Variants in ACTG2 observed in about 807,000 individuals in gnomAD.
The protein encoded by ACTG2 is actin gamma 2, smooth muscle.
ACTG2 carries 16 observed loss-of-function variants against 37.6 expected under a neutral mutation model. That is an observed-to-expected ratio of 0.43 (90% CI 0.29 to 0.65). The LOEUF is 0.65. Ranked by LOEUF, ACTG2 falls within the 30% of genes least tolerant of loss-of-function variation. The pLI, the probability that ACTG2 is intolerant of heterozygous loss-of-function variation, is 0.18. For missense variants in ACTG2, 238 were observed against 490.9 expected (o/e 0.48, Z 4.87); for synonymous variants, 181 against 179.9 (o/e 1.01, Z -0.05).
At chr2:73,897,951 A>G (rs926628995) in intron 1 of ACTG2, among the ~76,000 whole-genome samples, 1 of 152,234 alleles carries the variant, frequency 6.6e-6, no homozygotes, top group African/African-American at 2.4e-5. Flanking sequence ...TGGTAACTAA[A>G]TTTCAACATG....
chr2:73,916,648 C>T lies in ACTG2; in HGVS notation c.870C>T (p.Ile290=), dbSNP rs1180397843. 3 of 1,614,118 alleles carry T rather than the reference C, an allele frequency of 1.9e-6. No homozygotes were observed. In the East Asian group the frequency reaches 6.7e-5, roughly 36 times the overall value. Residue 290 remains isoleucine, a synonymous_variant, in exon 8 of 9, where the codon ATC becomes ATT. Coordinates refer to ENST00000345517, the MANE Select transcript of ACTG2 (RefSeq NM_001615.4). ...YNSIMKCDID[I]RKDLYANNVL... ...CCATCATGAAGTGTGACATTGACAT[C>T]CGTAAGGACTTATATGCCAACAATG...
At chr2:73,919,146 T>A (rs1680328173) in intron 8 of ACTG2, among the ~76,000 whole-genome samples, 1 of 152,182 alleles carries the variant, frequency 6.6e-6, no homozygotes. Flanking sequence ...CATGCCCAAG[T>A]ACACAAGCAT....
At chr2:73,909,321 G>T (rs1017930093) in intron 5 of ACTG2, among the ~76,000 whole-genome samples, 182 bp downstream of exon 5, 1 of 152,186 alleles carries the variant, frequency 6.6e-6, no homozygotes, top group Non-Finnish European at 1.5e-5. Context: ...AGCTGGTATA[G>T]TTGGAAAAAA....
At chr2:73,897,807 C>A (rs1030499845) in intron 1 of ACTG2, among the ~76,000 whole-genome samples, 1 of 152,108 alleles carries the variant, frequency 6.6e-6, no homozygotes, top group African/African-American at 2.4e-5. Context: ...CAAGGTGGCA[C>A]CTTGTTGCTG....
At chr2:73,893,658 G>A (rs10176602) in intron 1 of ACTG2, among the ~76,000 whole-genome samples, 35,457 of 151,980 alleles carry the variant, frequency 0.23, 4,286 homozygotes, top group South Asian at 0.32. Context: ...CTGTGGCATC[G>A]TGAGGTTTCA....
At chr2:73,910,605 T>G (rs1680111956) in intron 5 of ACTG2, among the ~76,000 whole-genome samples, 1 of 151,484 alleles carries the variant, frequency 6.6e-6, no homozygotes, top group Admixed American at 6.6e-5. Context: ...TTCAAGTGAT[T>G]CTCATGCCTC....
chr2:73,905,233 T>C (rs777672114), intron 3 of ACTG2, among the ~76,000 whole-genome samples: 5 of 152,230 alleles, frequency 3.3e-5, no homozygotes, highest in African/African-American at 4.8e-5. Context: ...AAAAGTTAAA[T>C]GTAAACATTT....
chr2:73,903,970 A>AC (rs1234952698), intron 3 of ACTG2, among the ~76,000 whole-genome samples: 19 of 147,368 alleles, frequency 1.3e-4, no homozygotes, highest in East Asian at 4.0e-4. Flanking sequence ...CAAAAAAAAA[A>AC]CCACATAATA....
At chr2:73,903,063 ACT>A (rs947270502) in intron 3 of ACTG2, 96 of 242,446 alleles carry the variant, frequency 4.0e-4, no homozygotes, top group African/African-American at 2.1e-3. Context: ...TCTAAGTAGA[ACT>A]CTCTCAGGGT....
chr2:73,907,315 C>T (rs925865095), intron 3 of ACTG2, among the ~76,000 whole-genome samples: 3 of 152,176 alleles, frequency 2.0e-5, no homozygotes, highest in Admixed American at 6.5e-5. Flanking sequence ...TCCATAAATA[C>T]ATGGGTCCAA....
chr2:73,899,915 T>C (rs1263260958), intron 1 of ACTG2, among the ~76,000 whole-genome samples: 1 of 152,130 alleles, frequency 6.6e-6, no homozygotes, highest in East Asian at 1.9e-4. Context: ...TTTGAACATA[T>C]CTGGGAAGGG....
At chr2:73,898,816 T>G (rs1269662828) in intron 1 of ACTG2, among the ~76,000 whole-genome samples, 2 of 140,436 alleles carry the variant, frequency 1.4e-5, no homozygotes, top group Non-Finnish European at 3.1e-5. Flanking sequence ...TTTTTTTTTT[T>G]TTTTGAGATG....
In ACTG2 at chr2:73,908,476, G is replaced by A. The variant is rs1436351193; in HGVS notation, c.256-197G>A. Reference sequence around the variant, plus strand: ...TAGAAAATACTGGTTCCAGGTCTGAGTCCTACCTGGGGCCCTGTTGAGAAG... The same window carrying A: ...TAGAAAATACTGGTTCCAGGTCTGAATCCTACCTGGGGCCCTGTTGAGAAG... On this transcript the variant is annotated intron_variant, in intron 3 of 8. Transcript: ENST00000345517. 9.3e-6 allele frequency: 6 copies of A among 644,256 alleles called. No homozygotes were observed. The East Asian group carries it at 1.7e-4, about 18-fold the overall frequency. The allele number at this position is 644,256 out of a possible 1,614,324, so 39.9% of individuals were successfully genotyped here.
chr2:73,906,623 G>A (rs1247316017), intron 3 of ACTG2, among the ~76,000 whole-genome samples: 1 of 151,930 alleles, frequency 6.6e-6, no homozygotes, highest in Admixed American at 6.6e-5. Context: ...TGGGAACAGA[G>A]GTGCACACCA....
chr2:73,908,836 T>G (rs1324893181), intron 4 of ACTG2, 53 bp downstream of exon 4: 4 of 1,472,494 alleles, frequency 2.7e-6, no homozygotes, highest in Admixed American at 1.8e-5. Flanking sequence ...CATGGATGCT[T>G]GGCCAGATAC....
chr2:73,913,372 C>A, intron 5 of ACTG2, 113 bp from the exon 6 acceptor site: 1 of 1,028,832 alleles, frequency 9.7e-7, no homozygotes. Context: ...GGTGAATATT[C>A]TTAACTGGTA....
intron 1 of ACTG2, among the ~76,000 whole-genome samples, chr2:73,896,406 G>A (rs769332429): frequency 2.2e-4 from 34 of 151,694 alleles, no homozygotes; most frequent in Admixed American, 7.2e-4. Flanking sequence ...GAAACAGGCC[G>A]GAATTTGCCT....
chr2:73,905,680 A>C (rs1038202137), intron 3 of ACTG2, among the ~76,000 whole-genome samples: 3 of 152,184 alleles, frequency 2.0e-5, no homozygotes, highest in African/African-American at 7.2e-5. Context: ...TTCTGAAGTA[A>C]AGATTGGTTT....
At chr2:73,908,908 A>G (rs1389832078) in intron 4 of ACTG2, 125 bp downstream of exon 4, 1 of 1,203,660 alleles carries the variant, frequency 8.3e-7, no homozygotes, top group Non-Finnish European at 1.2e-6. Flanking sequence ...TCTGTGGTCC[A>G]TGCCAGGCCC....
Sources: gnomAD v4.1 joint callset for allele counts (sites outside exome capture counted in the v4.1 genomes callset) on GRCh38, gnomAD v4.1.1 for gene constraint, MANE v1.5 for transcripts, NCBI Gene and HGNC (gene_info 2026-07-23, HGNC 2026-07-21) for gene names.